CACNA1E: variants seen among roughly 807,000 people sequenced by gnomAD.
The protein encoded by CACNA1E is voltage-dependent R-type calcium channel subunit alpha-1E.
CACNA1E carries 40 observed loss-of-function variants against 259.2 expected under a neutral mutation model. The ratio of observed to expected loss-of-function variants is 0.15; its 90% CI spans 0.12 to 0.20. The LOEUF is 0.20. Ranked by LOEUF, CACNA1E falls within the 10% of genes least tolerant of loss-of-function variation. CACNA1E has a pLI of 1.00. For synonymous variants in CACNA1E, 1,104 were observed against 1,138.5 expected, an observed-to-expected ratio of 0.97 and a Z score of 0.61; for missense variants, 1,874 against 3,040.1, an observed-to-expected ratio of 0.62 and a Z score of 9.02.
chr1:181,716,296 T>A (rs201167074), intron 10 of CACNA1E, among the ~76,000 whole-genome samples, 167 bp downstream of exon 10: 27 of 141,030 alleles, frequency 1.9e-4, no homozygotes, highest in African/African-American at 2.9e-4. Context: ...ATGATTTATT[T>A]AAAAAAAAAA....
At chr1:181,736,845 A>G (rs540955928) in intron 22 of CACNA1E, among the ~76,000 whole-genome samples, 2 of 152,272 alleles carry the variant, frequency 1.3e-5, no homozygotes, top group East Asian at 1.9e-4. Flanking sequence ...TTTTGGTCAC[A>G]CTGCTCTACA....
At position 181,793,727 on chromosome 1, in the gene CACNA1E, G is replaced by T. The variant is rs375614463; in HGVS notation, c.5961G>T (p.Ser1987=). Reference sequence around the variant, plus strand: ...CTAACCATGGCATCTACCTTCCTTCGGACACCCAGGAGCATGCGGGATCTG... The same window carrying T: ...CTAACCATGGCATCTACCTTCCTTCTGACACCCAGGAGCATGCGGGATCTG... ...QPSNHGIYLP[S]DTQEHAGSGR... The change falls in exon 45 of 48, where the codon TCG becomes TCT. Residue 1987 remains serine, a synonymous_variant. Transcript: ENST00000367573. 7.7e-5 allele frequency: 124 copies of T among 1,611,224 alleles called. No homozygotes were observed. The highest frequency in any genetic ancestry group is 9.5e-5 in the Non-Finnish European group (112 of 1,179,294).
intron 39 of CACNA1E, 28 bp downstream of exon 39, chr1:181,781,551 C>T (rs756993281): frequency 8.8e-7 from 1 of 1,140,622 alleles, no homozygotes; most frequent in Non-Finnish European, 1.3e-6. Context: ...TTGCTCTGGG[C>T]TACAGACCAA....
Position 181,601,800 on chromosome 1 carries a change from T to C in CACNA1E, c.951+21024T>C, listed in dbSNP as rs58763067. On this transcript the variant is annotated intron_variant, in intron 6 of 47. Transcript: ENST00000367573. The stretch of plus-strand genomic sequence containing the variant: ...CCCCGCTCTGCACAGAACCCTCCAG[T>C]AGCTCCTCTTCCCTTGCTGAGTAAA... 4.0e-3 allele frequency among the ~76,000 whole-genome samples: 612 copies of C among 152,270 alleles called. 5 individuals are homozygous for C. Among genetic ancestry groups the C allele is most frequent in the African/African-American group, 0.014 (592 of 41,554 alleles).
chr1:181,341,436 C>T (rs1652143317), intron 1 of CACNA1E, among the ~76,000 whole-genome samples: 1 of 152,216 alleles, frequency 6.6e-6, no homozygotes, highest in Non-Finnish European at 1.5e-5. Flanking sequence ...AACACCCCCA[C>T]CTTCCTCCTC....
In CACNA1E at chr1:181,401,705, C is replaced by T. The variant is rs113035573; in HGVS notation, c.-14-11428C>T. Among the ~76,000 whole-genome samples, 757 of 152,292 alleles carry T rather than the reference C, an allele frequency of 5.0e-3. 8 individuals carry two copies. The highest frequency in any genetic ancestry group is 0.017 in the African/African-American group (708 of 41,560). ...GTATTGTCTGTGATTCAACTAGTTT[C>T]AGTGAAAACTGCACGGATTTTTATG... On this transcript the variant is annotated intron_variant, in intron 1 of 11. Coordinates refer to the CACNA1E transcript ENST00000524607.
At chr1:181,338,546 A>T (rs1651898400) in intron 1 of CACNA1E, among the ~76,000 whole-genome samples, 1 of 137,956 alleles carries the variant, frequency 7.2e-6, no homozygotes. Flanking sequence ...TTCTTTATAT[A>T]CTTTAAATAT....
intron 7 of CACNA1E, among the ~76,000 whole-genome samples, chr1:181,686,152 C>T (rs1039552872): frequency 4.6e-5 from 7 of 152,044 alleles, no homozygotes; most frequent in Admixed American, 3.3e-4. Context: ...TATCCTTGTC[C>T]GGTGAACCTT....
chr1:181,675,441 A>G (rs112760329), intron 7 of CACNA1E, among the ~76,000 whole-genome samples: 132 of 152,344 alleles, frequency 8.7e-4, no homozygotes, highest in African/African-American at 3.1e-3. Flanking sequence ...GTGCTGCTAT[A>G]GGTCTTATTT....
chr1:181,390,333 G>GTTTGT (rs1557964215), intron 1 of CACNA1E, among the ~76,000 whole-genome samples: 3 of 141,476 alleles, frequency 2.1e-5, no homozygotes, highest in African/African-American at 8.6e-5. Flanking sequence ...TTATTTATTT[G>GTTTGT]TTTTTTATGA....
At chr1:181,627,715 G>C (rs1656327516) in intron 6 of CACNA1E, among the ~76,000 whole-genome samples, 1 of 152,216 alleles carries the variant, frequency 6.6e-6, no homozygotes, top group South Asian at 2.1e-4. Flanking sequence ...AAATTAGGAA[G>C]ATTAAGGTTT....
chr1:181,690,423 T>C (rs1007590468), intron 7 of CACNA1E, among the ~76,000 whole-genome samples: 3 of 152,244 alleles, frequency 2.0e-5, no homozygotes, highest in Admixed American at 1.3e-4. Flanking sequence ...GCCTCTAGCT[T>C]TGTTCTTTTT....
At position 181,324,062 on chromosome 1, in the gene CACNA1E, C is replaced by T. The variant is rs140567680; in HGVS notation, c.-15+5939C>T. 2.6e-3 allele frequency among the ~76,000 whole-genome samples: 392 copies of T among 152,322 alleles called. 3 individuals are homozygous for T. The highest frequency in any genetic ancestry group is 8.5e-3 in the African/African-American group (355 of 41,582). On this transcript the variant is annotated intron_variant, in intron 1 of 11. Coordinates refer to the CACNA1E transcript ENST00000524607. ...AAATCACTTAAGTTCTCCCTGCTTT[C>T]CCTTTCCTTTCTTCTACTCACCTTT...
chr1:181,373,705 C>CT (rs1654877374), intron 1 of CACNA1E, among the ~76,000 whole-genome samples: 1 of 151,830 alleles, frequency 6.6e-6, no homozygotes, highest in Non-Finnish European at 1.5e-5. Context: ...GCCCGGCTAA[C>CT]TTTTTGTATT....
intron 2 of CACNA1E, among the ~76,000 whole-genome samples, chr1:181,427,980 CCA>C (rs1459589287): frequency 6.6e-6 from 1 of 152,144 alleles, no homozygotes; most frequent in Non-Finnish European, 1.5e-5. Context: ...CATGACTGAA[CCA>C]CAGTTTATTC....
chr1:181,524,655 G>A (rs943231630), intron 3 of CACNA1E, among the ~76,000 whole-genome samples: 14 of 152,194 alleles, frequency 9.2e-5, no homozygotes, highest in African/African-American at 3.4e-4. Flanking sequence ...TGATCTCGTG[G>A]TTTATGTCCC....
chr1:181,377,902 A>C (rs571556645), intron 1 of CACNA1E, among the ~76,000 whole-genome samples: 21 of 152,328 alleles, frequency 1.4e-4, no homozygotes, highest in African/African-American at 3.4e-4. Flanking sequence ...CACACTATCC[A>C]TTCTCTTTGG....
intron 2 of CACNA1E, among the ~76,000 whole-genome samples, chr1:181,418,655 TTC>T (rs1022536168): frequency 6.6e-6 from 1 of 152,140 alleles, no homozygotes; most frequent in Non-Finnish European, 1.5e-5. Flanking sequence ...TCTTGTAGTT[TTC>T]TCTTTCATTA....
At chr1:181,737,258 A>G (rs1656129923) in intron 22 of CACNA1E, among the ~76,000 whole-genome samples, 1 of 152,198 alleles carries the variant, frequency 6.6e-6, no homozygotes, top group Non-Finnish European at 1.5e-5. Flanking sequence ...TGGTAGGCTG[A>G]TGCTGGCTGC....
Sources: gnomAD v4.1 joint callset for allele counts (sites outside exome capture counted in the v4.1 genomes callset) on GRCh38, gnomAD v4.1.1 for gene constraint, MANE v1.5 for transcripts, NCBI Gene and HGNC (gene_info 2026-07-23, HGNC 2026-07-21) for gene names.